AKAIN1: variants seen among roughly 807,000 people sequenced by gnomAD.
AKAIN1 encodes the protein A-kinase anchor inhibitor 1.
AKAIN1 carries 3 observed loss-of-function variants against 3.7 expected under a neutral mutation model. The observed-to-expected ratio is 0.82, with a 90% CI of 0.37 to 2.12. The LOEUF (loss-of-function observed/expected upper bound fraction) is 2.12. AKAIN1 is among the 30% of genes most tolerant of loss of function. The pLI is 0.06. For synonymous variants in AKAIN1, 31 were observed against 30.8 expected (o/e 1.01, Z -0.02); for missense variants, 82 against 82.7 (o/e 0.99, Z 0.03).
At chr18:5,196,946 C>T in intron 1 of AKAIN1, 92 bp downstream of exon 1, 1 of 1,146,680 alleles carries the variant, frequency 8.7e-7, no homozygotes, top group African/African-American at 1.5e-5. Flanking sequence ...GCAGATGGGC[C>T]GTAAGGTAAA....
intron 1 of AKAIN1, among the ~76,000 whole-genome samples, chr18:5,178,088 G>C (rs912574113): frequency 1.3e-5 from 2 of 152,100 alleles, no homozygotes; most frequent in African/African-American, 4.8e-5. Flanking sequence ...GTTGCTCGGG[G>C]TGGCTGCATG....
At chr18:5,164,214 G>A (rs1044899256) in intron 1 of AKAIN1, among the ~76,000 whole-genome samples, 2 of 151,932 alleles carry the variant, frequency 1.3e-5, no homozygotes, top group Admixed American at 1.3e-4. Context: ...TTGCCCCAGG[G>A]GAATAGATAA....
chr18:5,144,108 A>G lies in AKAIN1; in HGVS notation c.*1454T>C, dbSNP rs984598544. 1.1e-4 allele frequency among the ~76,000 whole-genome samples: 16 copies of G among 152,120 alleles called. No homozygotes were observed. The highest frequency in any genetic ancestry group is 3.4e-4 in the African/African-American group (14 of 41,440). Reference sequence around the variant, plus strand: ...AGCCCTTCTGCTTCCTTCTCCTTCCATGTTTCCTGTGAATTTATTCCACCT... The same window carrying G: ...AGCCCTTCTGCTTCCTTCTCCTTCCGTGTTTCCTGTGAATTTATTCCACCT... On this transcript the variant is annotated 3_prime_UTR_variant, in exon 2 of 2. Coordinates refer to ENST00000434239, the MANE Select transcript of AKAIN1 (RefSeq NM_001145194.2).
intron 1 of AKAIN1, 121 bp downstream of exon 1, chr18:5,196,917 G>T: frequency 1.1e-6 from 1 of 921,094 alleles, no homozygotes; most frequent in Non-Finnish European, 1.7e-6. Flanking sequence ...CATGAGCACA[G>T]ACAGTAACTC....
intron 1 of AKAIN1, among the ~76,000 whole-genome samples, chr18:5,167,625 C>T (rs917190545): frequency 6.6e-6 from 1 of 152,030 alleles, no homozygotes; most frequent in South Asian, 2.1e-4. Flanking sequence ...CTCTCATGAG[C>T]CATTACCAAA....
intron 1 of AKAIN1, among the ~76,000 whole-genome samples, chr18:5,149,012 A>C (rs1319070572): frequency 1.3e-5 from 2 of 152,232 alleles, no homozygotes; most frequent in Non-Finnish European, 2.9e-5. Context: ...CAGCAGGACA[A>C]ATGCGAAACC....
chr18:5,159,609 T>C (rs1838445566), intron 1 of AKAIN1, among the ~76,000 whole-genome samples: 1 of 152,184 alleles, frequency 6.6e-6, no homozygotes, highest in Non-Finnish European at 1.5e-5. Flanking sequence ...GAACTTACAA[T>C]GACAACACTG....
At chr18:5,164,766 C>T (rs747813896) in intron 1 of AKAIN1, among the ~76,000 whole-genome samples, 23 of 152,014 alleles carry the variant, frequency 1.5e-4, no homozygotes, top group Non-Finnish European at 2.8e-4. Flanking sequence ...ACACTAGTGT[C>T]ATTCTCTATG....
rs1485289334 is a variant in AKAIN1, at chr18:5,183,123, T to TAAAA, written c.16+13914_16+13915insTTTT. On this transcript the variant is annotated intron_variant, in intron 1 of 1. Transcript: ENST00000434239. ...TAGGTCAGGCATTTAGAGCCTCACT[T>TAAAA]TTATCATCTGAAAGGAAAAATATAA... is the stretch of plus-strand genomic sequence containing the variant. Among the ~76,000 whole-genome samples the TAAAA allele has an allele frequency of 7.2e-5, 11 of 152,040 alleles. No individual in the cohort carries two copies. In the South Asian group the frequency reaches 2.3e-3, roughly 31 times the overall value.
At chr18:5,169,442 T>A (rs1365631205) in intron 1 of AKAIN1, among the ~76,000 whole-genome samples, 1 of 152,004 alleles carries the variant, frequency 6.6e-6, no homozygotes, top group Non-Finnish European at 1.5e-5. Flanking sequence ...TGCACATGTA[T>A]CCACCCTCTC....
intron 1 of AKAIN1, among the ~76,000 whole-genome samples, chr18:5,170,243 A>T (rs115547374): frequency 0.011 from 1,749 of 152,218 alleles, 31 homozygotes; most frequent in African/African-American, 0.037. Flanking sequence ...TTAGACTCAC[A>T]TTTAACTTTG....
At chr18:5,147,551 G>A (rs1272893366) in intron 1 of AKAIN1, among the ~76,000 whole-genome samples, 2 of 152,166 alleles carry the variant, frequency 1.3e-5, no homozygotes, top group Non-Finnish European at 2.9e-5. Flanking sequence ...ATTTAAGATT[G>A]GAGGGATGAC....
intron 1 of AKAIN1, among the ~76,000 whole-genome samples, chr18:5,190,292 C>T (rs1292083455): frequency 1.3e-5 from 2 of 152,094 alleles, no homozygotes; most frequent in African/African-American, 2.4e-5. Flanking sequence ...ATGAGTTTTG[C>T]AGGGGCTATT....
In AKAIN1 at chr18:5,185,593, A is replaced by G. The variant is rs139213401; in HGVS notation, c.16+11445T>C. On this transcript the variant is annotated intron_variant, in intron 1 of 1. Transcript: ENST00000434239. ...TACATGTAGCCAATAAGCACATAAA[A>G]AATGCTCAACATCACTAATCACTAG... Among the ~76,000 whole-genome samples, 434 of 152,296 alleles carry G rather than the reference A, an allele frequency of 2.8e-3. 2 individuals carry two copies. Among genetic ancestry groups the G allele is most frequent in the Middle Eastern group, 0.014 (4 of 294 alleles).
At chr18:5,161,284 A>T (rs1567873683) in intron 1 of AKAIN1, among the ~76,000 whole-genome samples, 1 of 152,136 alleles carries the variant, frequency 6.6e-6, no homozygotes, top group African/African-American at 2.4e-5. Flanking sequence ...ATTCCAAGAT[A>T]CTTCACATCA....
chr18:5,190,511 A>C (rs898551962), intron 1 of AKAIN1, among the ~76,000 whole-genome samples: 1 of 152,188 alleles, frequency 6.6e-6, no homozygotes, highest in Non-Finnish European at 1.5e-5. Context: ...ATATAGTTTT[A>C]CTGGTGACGG....
intron 1 of AKAIN1, among the ~76,000 whole-genome samples, chr18:5,160,017 T>A (rs575552655): frequency 6.6e-6 from 1 of 152,248 alleles, no homozygotes; most frequent in South Asian, 2.1e-4. Context: ...TAATAGAATT[T>A]GGCTTGATTC....
chr18:5,162,626 G>A (rs1323767660), intron 1 of AKAIN1, among the ~76,000 whole-genome samples: 1 of 13,590 alleles, frequency 7.4e-5, no homozygotes, highest in African/African-American at 6.8e-4. Context: ...AATGTGATGC[G>A]TGTGTGTGTG....
intron 1 of AKAIN1, among the ~76,000 whole-genome samples, chr18:5,150,865 A>G (rs918428554): frequency 1.3e-5 from 2 of 152,210 alleles, no homozygotes; most frequent in African/African-American, 2.4e-5. Flanking sequence ...ATAAAAACTT[A>G]CATCAATTTT....
Sources: gnomAD v4.1 joint callset for allele counts (sites outside exome capture counted in the v4.1 genomes callset) on GRCh38, gnomAD v4.1.1 for gene constraint, MANE v1.5 for transcripts, NCBI Gene and HGNC (gene_info 2026-07-23, HGNC 2026-07-21) for gene names.